Variants in ATP10A observed in about 807,000 individuals in gnomAD.
ATP10A encodes phospholipid-transporting ATPase VA.
In ATP10A, 111 loss-of-function variants were observed where a neutral mutation model predicts 147.8. The ratio of observed to expected loss-of-function variants is 0.75; its 90% CI spans 0.64 to 0.88. ATP10A has a LOEUF of 0.88. Among genes scored for constraint, ATP10A ranks in the 40% least tolerant of loss-of-function variants. The pLI is 0.00. For synonymous variants in ATP10A, 875 were observed against 841.6 expected (o/e 1.04, Z -0.69); for missense variants, 1,927 against 1,959.0 (o/e 0.98, Z 0.31).
At chr15:25,699,608 T>C (rs1282310744) in intron 13 of ATP10A, among the ~76,000 whole-genome samples, 1 of 152,054 alleles carries the variant, frequency 6.6e-6, no homozygotes, top group Non-Finnish European at 1.5e-5. Flanking sequence ...GTGGCTCAAG[T>C]CTATAATCTC....
chr15:25,748,247 C>T (rs72705812), intron 2 of ATP10A, among the ~76,000 whole-genome samples: 8,843 of 152,090 alleles, frequency 0.058, 354 homozygotes, highest in Admixed American at 0.11. Flanking sequence ...CAGGTGTGAG[C>T]GGCCAAAAAT....
intron 2 of ATP10A, among the ~76,000 whole-genome samples, chr15:25,773,868 G>A (rs1475120993): frequency 6.6e-6 from 1 of 151,084 alleles, no homozygotes; most frequent in African/African-American, 2.4e-5. Context: ...ACTCACTCAT[G>A]AGGAGATGCC....
rs1899771431 is a variant in ATP10A at position 25,687,721 on chromosome 15, G to A, written c.3273C>T (p.Tyr1091=). 5 of 1,604,310 alleles carry A rather than the reference G, an allele frequency of 3.1e-6. No homozygotes were observed. Among genetic ancestry groups the A allele is most frequent in the Non-Finnish European group, 4.3e-6 (5 of 1,173,700 alleles). The change falls in exon 16 of 21, where the codon TAC becomes TAT. Residue 1091 remains tyrosine, a synonymous_variant. Transcript: ENST00000555815. ...TACCTACTGTGTTTTTGTAGAAGAAGTACAGCACCATGTTGGCAAGTCGGG... is the reference window on the plus strand; with the variant it reads ...TACCTACTGTGTTTTTGTAGAAGAAATACAGCACCATGTTGGCAAGTCGGG... The part of the protein sequence containing the change: ...CYSRLANMVL[Y]FFYKNTMFVG...
At chr15:25,826,677 C>T (rs1892127502) in intron 1 of ATP10A, among the ~76,000 whole-genome samples, 1 of 152,154 alleles carries the variant, frequency 6.6e-6, no homozygotes, top group South Asian at 2.1e-4. Flanking sequence ...CACCTGTAAT[C>T]TCAGCTACAT....
intron 1 of ATP10A, among the ~76,000 whole-genome samples, chr15:25,854,003 A>G (rs1330520041): frequency 1.3e-5 from 2 of 152,142 alleles, no homozygotes; most frequent in African/African-American, 4.8e-5. Flanking sequence ...CTACTGACCA[A>G]AGAAATCAAT....
intron 1 of ATP10A, among the ~76,000 whole-genome samples, chr15:25,788,289 G>A (rs1002640740): frequency 6.6e-6 from 1 of 152,226 alleles, no homozygotes; most frequent in Non-Finnish European, 1.5e-5. Context: ...TGCACACACA[G>A]TCTCAAGTGC....
intron 1 of ATP10A, among the ~76,000 whole-genome samples, chr15:25,831,686 T>C (rs1330440987): frequency 1.3e-5 from 2 of 152,180 alleles, no homozygotes; most frequent in African/African-American, 4.8e-5. Context: ...GAGGCTCCTA[T>C]GGGCAACACC....
chr15:25,848,635 A>C (rs1893140444), intron 1 of ATP10A: 1 of 154,270 alleles, frequency 6.5e-6, no homozygotes, highest in Non-Finnish European at 1.5e-5. Context: ...CAAATTAAGT[A>C]GTATTCATAT....
In ATP10A at chr15:25,825,759, A is replaced by G. The variant is rs73372808; in HGVS notation, c.449+36889T>C. On this transcript the variant is annotated intron_variant, in intron 1 of 20. Coordinates refer to ENST00000555815, the MANE Select transcript of ATP10A (RefSeq NM_024490.4). ...AGAATTCAATTTCCAAAGTTTCCACATTGTTTTATTTTAAATGCCATTTTC... is the reference window on the plus strand; with the variant it reads ...AGAATTCAATTTCCAAAGTTTCCACGTTGTTTTATTTTAAATGCCATTTTC... Among the ~76,000 whole-genome samples, 598 of 152,332 alleles carry G rather than the reference A, an allele frequency of 3.9e-3. 3 individuals carry two copies. Among genetic ancestry groups the G allele is most frequent in the African/African-American group, 0.014 (567 of 41,586 alleles).
chr15:25,736,206 T>A, intron 2 of ATP10A, 65 bp from the exon 3 acceptor site: 1 of 1,381,838 alleles, frequency 7.2e-7, no homozygotes, highest in Non-Finnish European at 1.0e-6. Context: ...TAAAAGGCAC[T>A]CGCTTTTCTG....
chr15:25,769,189 C>A (rs546421393), intron 2 of ATP10A, among the ~76,000 whole-genome samples: 7 of 152,024 alleles, frequency 4.6e-5, no homozygotes, highest in African/African-American at 1.7e-4. Flanking sequence ...AGAGCTTTTA[C>A]TTTTACATGC....
rs184009994 is a variant in ATP10A, at chr15:25,702,040, C to T, written c.2636G>A (p.Arg879His). ...DGVPETISKL[R>H]QAGLQIWVLT... is the part of the protein sequence containing the mutation. ...AACCCAAATCTGCAGGCCCGCTTGA[C>T]GCAATTTAGAAATAGTTTCAGGGAC... Residue 879 changes from arginine (R) to histidine (H), a missense_variant, in exon 13 of 21, where the codon CGT becomes CAT. Physicochemically the swap from Arg to His is conservative, Grantham distance 29. Transcript: ENST00000555815. The T allele has an allele frequency of 7.1e-5, 114 of 1,614,162 alleles. No individual in the cohort carries two copies. The East Asian group carries it at 1.0e-3, about 14-fold the overall frequency.
chr15:25,799,248 C>T (rs1319016438), intron 1 of ATP10A, among the ~76,000 whole-genome samples: 2 of 152,180 alleles, frequency 1.3e-5, no homozygotes, highest in African/African-American at 4.8e-5. Flanking sequence ...TCATCCTGGG[C>T]TCTCCCCTCT....
At chr15:25,778,132 C>T (rs1157215686) in intron 2 of ATP10A, among the ~76,000 whole-genome samples, 1 of 152,084 alleles carries the variant, frequency 6.6e-6, no homozygotes, top group Non-Finnish European at 1.5e-5. Flanking sequence ...ACAGCCCGCT[C>T]TTCTCCTTAA....
chr15:25,800,572 C>T (rs1890891011), intron 1 of ATP10A, among the ~76,000 whole-genome samples: 1 of 152,204 alleles, frequency 6.6e-6, no homozygotes, highest in African/African-American at 2.4e-5. Flanking sequence ...TGGCACTGTT[C>T]CACCGTGCAC....
intron 1 of ATP10A, among the ~76,000 whole-genome samples, chr15:25,858,586 G>A (rs541587060): frequency 3.3e-5 from 5 of 152,290 alleles, no homozygotes; most frequent in African/African-American, 1.2e-4. Context: ...GACACGGGTT[G>A]GAGAAATAAC....
chr15:25,860,139 G>A (rs1277897955), intron 1 of ATP10A, among the ~76,000 whole-genome samples: 1 of 152,122 alleles, frequency 6.6e-6, no homozygotes, highest in African/African-American at 2.4e-5. Flanking sequence ...CTGAGAGCCA[G>A]GGCTTCATGT....
In ATP10A at chr15:25,695,102, C is replaced by G. The variant is rs755831799; in HGVS notation, c.2805G>C (p.Gln935His). ...CAGGGGCTCTCTGGAGGCCTCTGGA[C>G]TGCACGTAGCATAGGCACTGGTCTA... is the stretch of plus-strand genomic sequence containing the variant. ...ALLDQCLCYV[Q>H]SRGLQRAPEK... The change falls in exon 14 of 21, where the codon CAG becomes CAC. Residue 935 changes from glutamine to histidine, a missense_variant. Gln to His is a conservative substitution (Grantham distance 24). Transcript: ENST00000555815. 1.2e-5 allele frequency: 19 copies of G among 1,614,012 alleles called. No homozygotes were observed. In the South Asian group the frequency reaches 2.1e-4, roughly 18 times the overall value.
intron 19 of ATP10A, among the ~76,000 whole-genome samples, chr15:25,680,549 A>G (rs976020273): frequency 6.6e-6 from 1 of 152,100 alleles, no homozygotes; most frequent in Non-Finnish European, 1.5e-5. Flanking sequence ...ACAGGAGGGA[A>G]AGGAGAGAAT....
Sources: allele counts gnomAD v4.1 joint callset (sites outside exome capture counted in the v4.1 genomes callset), GRCh38; gene constraint gnomAD v4.1.1; transcripts MANE v1.5; gene names NCBI Gene and HGNC (gene_info 2026-07-23, HGNC 2026-07-21).